Variants in ARHGEF38 observed in about 807,000 individuals in gnomAD.
The protein encoded by ARHGEF38 is Rho guanine nucleotide exchange factor (GEF) 38.
A neutral mutation model predicts 79.9 loss-of-function variants in ARHGEF38; 79 were observed. The observed-to-expected ratio is 0.99, with a 90% CI of 0.82 to 1.19. The LOEUF (loss-of-function observed/expected upper bound fraction) is 1.19. Among genes scored for constraint, ARHGEF38 ranks in the 50% most tolerant of loss-of-function variants. The pLI is 0.00. For synonymous variants in ARHGEF38, 366 were observed against 328.3 expected (o/e 1.11, Z -1.24); for missense variants, 962 against 907.2 (o/e 1.06, Z -0.78).
chr4:105,640,854 C>A (rs1578338105), intron 5 of ARHGEF38, among the ~76,000 whole-genome samples: 1 of 152,182 alleles, frequency 6.6e-6, no homozygotes, highest in South Asian at 2.1e-4. Context: ...CATTCTGATT[C>A]CTAATTATGC....
intron 10 of ARHGEF38, among the ~76,000 whole-genome samples, chr4:105,662,708 G>A (rs993477550): frequency 2.0e-5 from 3 of 151,920 alleles, no homozygotes; most frequent in African/African-American, 4.8e-5. Flanking sequence ...AAATTATTTC[G>A]ATAATTTCAT....
In ARHGEF38 at chr4:105,630,935, T is replaced by C. The variant is rs142871068; in HGVS notation, c.546T>C (p.Asp182=). ...TGCAGATTAAAGGGCCACTGGAAGA[T>C]ATTTATAAAATCTACTGCTATCACC... The part of the protein sequence containing the change: ...VFLQIKGPLE[D]IYKIYCYHHD... The change falls in exon 4 of 14, where the codon GAT becomes GAC. Residue 182 remains aspartate, a synonymous_variant. Transcript: ENST00000420470. 14 of 1,612,238 alleles carry C rather than the reference T, an allele frequency of 8.7e-6. No homozygotes were observed. Among genetic ancestry groups the C allele is most frequent in the Non-Finnish European group, 1.2e-5 (14 of 1,179,478 alleles).
rs546762650 is a variant in ARHGEF38 at position 105,557,231 on chromosome 4, G to GTA, written c.196+4282_196+4283dup. Among the ~76,000 whole-genome samples the GTA allele has an allele frequency of 9.2e-4, 140 of 151,430 alleles. 1 individual carries two copies. The South Asian group carries it at 0.011, about 12-fold the overall frequency. On this transcript the variant is annotated intron_variant, in intron 1 of 13. Transcript: ENST00000420470. ...GATATATATGTGTATATATATGTGT[G>GTA]TATATATATATATCTCCAGTATGTA... is the stretch of plus-strand genomic sequence containing the variant.
At chr4:105,670,517 T>G (rs150939660) in intron 13 of ARHGEF38, among the ~76,000 whole-genome samples, 370 of 152,298 alleles carry the variant, frequency 2.4e-3, no homozygotes, top group South Asian at 5.6e-3. Flanking sequence ...TTGTAAGAGT[T>G]CTTTATAAAC....
chr4:105,576,450 C>A (rs1187692165), intron 1 of ARHGEF38, among the ~76,000 whole-genome samples: 1 of 120,830 alleles, frequency 8.3e-6, no homozygotes, highest in African/African-American at 3.1e-5. Context: ...GGATTGAGTT[C>A]TTTATTTGAT....
At chr4:105,648,881 GGGTGGGAGT>G (rs912571449) in intron 7 of ARHGEF38, among the ~76,000 whole-genome samples, 199 bp downstream of exon 7, 3 of 150,848 alleles carry the variant, frequency 2.0e-5, no homozygotes, top group African/African-American at 7.4e-5. Context: ...TGGAAAACAG[GGGTGGGAGT>G]GGGAATAGGA....
At chr4:105,647,345 A>G (rs1240545361) in intron 6 of ARHGEF38, among the ~76,000 whole-genome samples, 3 of 151,904 alleles carry the variant, frequency 2.0e-5, no homozygotes, top group African/African-American at 7.2e-5. Context: ...ATATGGTACT[A>G]TAGTTTGTTT....
chr4:105,668,267 C>T (rs570098599), intron 13 of ARHGEF38, among the ~76,000 whole-genome samples: 16 of 152,066 alleles, frequency 1.1e-4, no homozygotes, highest in South Asian at 6.2e-4. Context: ...CTGCAACCTC[C>T]GCCTCCCAGG....
chr4:105,622,448 G>A (rs1233174918), intron 3 of ARHGEF38, among the ~76,000 whole-genome samples: 1 of 152,208 alleles, frequency 6.6e-6, no homozygotes, highest in African/African-American at 2.4e-5. Context: ...CCTGGAAAGA[G>A]CATGGCCTTT....
chr4:105,564,194 G>C (rs1441199252), intron 1 of ARHGEF38, among the ~76,000 whole-genome samples: 2 of 152,072 alleles, frequency 1.3e-5, no homozygotes, highest in East Asian at 1.9e-4. Context: ...GAAAAAAATA[G>C]GTTTGTTTTT....
intron 1 of ARHGEF38, among the ~76,000 whole-genome samples, chr4:105,571,592 G>T (rs556937959): frequency 5.2e-4 from 79 of 152,108 alleles, no homozygotes; most frequent in South Asian, 1.0e-3. Flanking sequence ...TAAAGTGCTG[G>T]GATTACAGGC....
chr4:105,658,496 A>G (rs1730428571), intron 9 of ARHGEF38, among the ~76,000 whole-genome samples: 1 of 152,170 alleles, frequency 6.6e-6, no homozygotes, highest in African/African-American at 2.4e-5. Flanking sequence ...TACTATCTGT[A>G]TAGGGGATAT....
chr4:105,677,736 T>C lies in ARHGEF38; in HGVS notation c.2149-16T>C, dbSNP rs1182671996. ...CAGGTTCCAATTCCAATAATGTCTT[T>C]TGTTTCTTTGTCTAGATTTTCTATG... On this transcript the variant is annotated splice_polypyrimidine_tract_variant and intron_variant, in intron 13 of 13. Transcript: ENST00000420470. 7.1e-7 allele frequency: 1 copy of C among 1,403,670 alleles called. No homozygotes were observed. The highest frequency in any genetic ancestry group is 2.6e-5 in the East Asian group (1 of 38,826). 87.0% of individuals were successfully genotyped at this position (1,403,670 alleles called of 1,614,324 possible). A position where few individuals can be genotyped will look rare whatever the true frequency, so the allele number is the denominator to read the frequency against.
rs766491974 is a variant in ARHGEF38, at chr4:105,654,122, G to A, written c.1066G>A (p.Val356Met). ...GCTGTTTAGAGCTTTAGAAAAGACT[G>A]TGAGGCTTTGTGTGAAGAACATTTC... ...EKLFRALEKTVRLCVKNISLC... is the reference protein window; with the variant it reads ...EKLFRALEKTMRLCVKNISLC... The change falls in exon 8 of 14, where the codon GTG becomes ATG. Residue 356 changes from valine (V) to methionine (M), a missense_variant. Val to Met is a conservative substitution (Grantham distance 21, BLOSUM62 1). Coordinates refer to ENST00000420470, the MANE Select transcript of ARHGEF38 (RefSeq NM_001242729.2). 20 of 1,521,670 alleles carry A rather than the reference G, an allele frequency of 1.3e-5. No homozygotes were observed. In the South Asian group the frequency reaches 2.2e-4, roughly 17 times the overall value. The allele number at this position is 1,521,670 out of a possible 1,614,324, so 94.3% of individuals were successfully genotyped here. A position where few individuals can be genotyped will look rare whatever the true frequency, so the allele number is the denominator to read the frequency against.
At chr4:105,647,479 A>G (rs941214397) in intron 6 of ARHGEF38, among the ~76,000 whole-genome samples, 1 of 152,190 alleles carries the variant, frequency 6.6e-6, no homozygotes, top group Non-Finnish European at 1.5e-5. Context: ...CTAAGGATAA[A>G]TATATAGATG....
At chr4:105,662,986 C>T (rs1034470294) in intron 10 of ARHGEF38, among the ~76,000 whole-genome samples, 1 of 152,022 alleles carries the variant, frequency 6.6e-6, no homozygotes, top group Non-Finnish European at 1.5e-5. Context: ...AGAAGTTATC[C>T]TCATTAAAAT....
intron 1 of ARHGEF38, among the ~76,000 whole-genome samples, chr4:105,584,767 C>G (rs1726953797): frequency 6.6e-6 from 1 of 152,034 alleles, no homozygotes; most frequent in Non-Finnish European, 1.5e-5. Flanking sequence ...CTCCTTAAAT[C>G]CACCCCAAAA....
intron 9 of ARHGEF38, among the ~76,000 whole-genome samples, chr4:105,658,068 A>G (rs1032742064): frequency 4.6e-5 from 7 of 152,222 alleles, no homozygotes; most frequent in Non-Finnish European, 7.3e-5. Context: ...GGGCAGTTCT[A>G]TGAAGTTCAT....
intron 2 of ARHGEF38, among the ~76,000 whole-genome samples, chr4:105,591,603 C>T (rs1727344328): frequency 6.6e-6 from 1 of 152,152 alleles, no homozygotes; most frequent in South Asian, 2.1e-4. Context: ...ACTTCTGACA[C>T]AAAAATTGTT....
Sources: gnomAD v4.1 joint callset for allele counts (sites outside exome capture counted in the v4.1 genomes callset) on GRCh38, gnomAD v4.1.1 for gene constraint, MANE v1.5 for transcripts, NCBI Gene and HGNC (gene_info 2026-07-23, HGNC 2026-07-21) for gene names.